AP2B1: variants seen among roughly 807,000 people sequenced by gnomAD.
AP2B1 encodes AP-2 complex subunit beta.
In AP2B1, 23 loss-of-function variants were observed where a neutral mutation model predicts 102.0. That is an observed-to-expected ratio of 0.23 (90% CI 0.16 to 0.32). The LOEUF is 0.32. Ranked by LOEUF, AP2B1 falls within the 10% of genes least tolerant of loss-of-function variation. The pLI, the probability that AP2B1 is intolerant of heterozygous loss-of-function variation, is 1.00. For missense variants in AP2B1, 541 were observed against 1,157.4 expected (o/e 0.47, Z 7.73); for synonymous variants, 381 against 421.2 (o/e 0.90, Z 1.17).
At chr17:35,603,705 C>T (rs2073565945) in intron 3 of AP2B1, among the ~76,000 whole-genome samples, 1 of 152,180 alleles carries the variant, frequency 6.6e-6, no homozygotes, top group South Asian at 2.1e-4. Context: ...CACAAGGATT[C>T]AGGAGCTCAG....
intron 14 of AP2B1, among the ~76,000 whole-genome samples, chr17:35,669,980 T>A (rs940258330): frequency 6.6e-6 from 1 of 152,226 alleles, no homozygotes; most frequent in African/African-American, 2.4e-5. Flanking sequence ...ATTGCCTATA[T>A]GCCACCTATT....
At chr17:35,670,529 G>A (rs780746292) in intron 14 of AP2B1, among the ~76,000 whole-genome samples, 6 of 152,036 alleles carry the variant, frequency 3.9e-5, no homozygotes, top group African/African-American at 1.2e-4. Flanking sequence ...GGGATAGAGC[G>A]TCTTAGAATA....
intron 11 of AP2B1, 127 bp downstream of exon 11, chr17:35,639,887 A>T: frequency 2.5e-6 from 2 of 792,554 alleles, no homozygotes; most frequent in Non-Finnish European, 3.9e-6. Flanking sequence ...TTTTTCTCCC[A>T]ACAGGGATGT....
chr17:35,702,854 A>G (rs2076263579), intron 18 of AP2B1, among the ~76,000 whole-genome samples: 1 of 152,228 alleles, frequency 6.6e-6, no homozygotes, highest in African/African-American at 2.4e-5. Flanking sequence ...AATGGCTATT[A>G]TTAAAAAAAT....
At chr17:35,677,881 CAG>C (rs1193547204) in intron 17 of AP2B1, among the ~76,000 whole-genome samples, 17 of 137,116 alleles carry the variant, frequency 1.2e-4, no homozygotes, top group Non-Finnish European at 2.3e-4. Context: ...TTTTTTGAGA[CAG>C]AGTTTTTCGC....
rs188295049 is a variant in AP2B1, at chr17:35,706,625, T to C, written c.2455-2599T>C. ...ACCTTTACATGACCCACCATTAGCC[T>C]ACCCCCATCACCCCAGTTTTCACTT... On this transcript the variant is annotated intron_variant, in intron 18 of 21. Transcript: ENST00000610402. Among the ~76,000 whole-genome samples, 5 of 151,798 alleles carry C rather than the reference T, an allele frequency of 3.3e-5. No homozygotes were observed. The East Asian group carries it at 7.7e-4, about 23-fold the overall frequency.
At chr17:35,622,064 T>G (rs9899927) in intron 5 of AP2B1, among the ~76,000 whole-genome samples, 21,217 of 152,196 alleles carry the variant, frequency 0.14, 1,856 homozygotes, top group East Asian at 0.34. Flanking sequence ...ATCTTGCATG[T>G]GAAGCACATG....
At chr17:35,640,227 A>ATT (rs745826240) in intron 11 of AP2B1, among the ~76,000 whole-genome samples, 151 of 60,562 alleles carry the variant, frequency 2.5e-3, no homozygotes, top group African/African-American at 0.01. Context: ...AGTTTTACTG[A>ATT]TTTTTTTTTT....
At chr17:35,656,244 A>C (rs896290437) in intron 13 of AP2B1, among the ~76,000 whole-genome samples, 3 of 118,908 alleles carry the variant, frequency 2.5e-5, no homozygotes, top group Non-Finnish European at 3.7e-5. Flanking sequence ...GATTTATCTC[A>C]ATTTTTGTTT....
chr17:35,608,690 A>G (rs1454633513), intron 5 of AP2B1, among the ~76,000 whole-genome samples: 1 of 152,162 alleles, frequency 6.6e-6, no homozygotes, highest in South Asian at 2.1e-4. Flanking sequence ...AAATTTATAT[A>G]TATTTAAGAT....
chr17:35,698,002 A>C (rs951548960), intron 18 of AP2B1, among the ~76,000 whole-genome samples: 1 of 152,230 alleles, frequency 6.6e-6, no homozygotes, highest in African/African-American at 2.4e-5. Context: ...ATAGATATTC[A>C]TTATTTCTCT....
intron 2 of AP2B1, chr17:35,597,071 C>A: frequency 1.8e-6 from 1 of 557,296 alleles, no homozygotes. Context: ...GCGAAGGACC[C>A]CTGGGCGCCC....
At chr17:35,610,248 G>A (rs923505554) in intron 5 of AP2B1, among the ~76,000 whole-genome samples, 2 of 151,664 alleles carry the variant, frequency 1.3e-5, no homozygotes, top group African/African-American at 2.4e-5. Flanking sequence ...GGGTTCAAGC[G>A]ATTCTCCTCC....
intron 1 of AP2B1, among the ~76,000 whole-genome samples, chr17:35,590,990 C>A (rs2073077069): frequency 6.6e-6 from 1 of 151,842 alleles, no homozygotes; most frequent in Non-Finnish European, 1.5e-5. Flanking sequence ...GCCTGGCTAA[C>A]AAGGAAAAAC....
intron 13 of AP2B1, among the ~76,000 whole-genome samples, chr17:35,652,522 A>G (rs1180725317): frequency 2.0e-5 from 3 of 152,174 alleles, no homozygotes; most frequent in South Asian, 2.1e-4. Flanking sequence ...CAGCTGCTCT[A>G]TGGGGGTGAG....
intron 14 of AP2B1, among the ~76,000 whole-genome samples, chr17:35,662,837 A>G (rs1261460019): frequency 6.6e-6 from 1 of 152,170 alleles, no homozygotes; most frequent in Non-Finnish European, 1.5e-5. Context: ...TCTTTTACAT[A>G]AACAGTGCTA....
intron 14 of AP2B1, among the ~76,000 whole-genome samples, chr17:35,660,481 CTTTTTTTTT>C (rs71366472): frequency 1.6e-5 from 2 of 127,756 alleles, no homozygotes; most frequent in African/African-American, 5.8e-5. Context: ...TTTTCTCTCT[CTTTTTTTTT>C]TTTTTTTTTG....
intron 5 of AP2B1, among the ~76,000 whole-genome samples, chr17:35,619,264 C>G (rs923210959): frequency 1.3e-5 from 2 of 152,228 alleles, no homozygotes; most frequent in African/African-American, 4.8e-5. Flanking sequence ...AGTAAATATT[C>G]AATACATTTT....
chr17:35,670,637 T>C (rs1410351671), intron 14 of AP2B1, among the ~76,000 whole-genome samples: 6 of 152,186 alleles, frequency 3.9e-5, no homozygotes, highest in African/African-American at 1.4e-4. Flanking sequence ...CCGTCTTCTT[T>C]ACAAGTTTTC....
Sources: allele counts gnomAD v4.1 joint callset (sites outside exome capture counted in the v4.1 genomes callset), GRCh38; gene constraint gnomAD v4.1.1; transcripts MANE v1.5; gene names NCBI Gene and HGNC (gene_info 2026-07-23, HGNC 2026-07-21).